GALNT10: variants seen among roughly 807,000 people sequenced by gnomAD.
GALNT10 encodes the protein GalNAc transferase 10.
In GALNT10, 41 loss-of-function variants were observed where a neutral mutation model predicts 75.0. The ratio of observed to expected loss-of-function variants is 0.55; its 90% CI spans 0.43 to 0.71. The LOEUF (loss-of-function observed/expected upper bound fraction) is 0.71. Among genes scored for constraint, GALNT10 ranks in the 30% least tolerant of loss-of-function variants. The pLI is 0.00. For synonymous variants in GALNT10, 302 were observed against 313.0 expected (o/e 0.96, Z 0.37); for missense variants, 727 against 818.5 (o/e 0.89, Z 1.36).
chr5:154,258,769 G>A (rs1209387027), intron 1 of GALNT10, among the ~76,000 whole-genome samples: 1 of 152,142 alleles, frequency 6.6e-6, no homozygotes, highest in East Asian at 1.9e-4. Context: ...TGAAACTCAT[G>A]GCTTTGATCA....
intron 1 of GALNT10, among the ~76,000 whole-genome samples, chr5:154,204,103 A>G (rs547597712): frequency 7.2e-5 from 11 of 152,066 alleles, no homozygotes; most frequent in African/African-American, 2.7e-4. Context: ...CAGGAGCCTG[A>G]CTCCTCAGGT....
rs1183869239 is a variant in GALNT10 at position 154,352,434 on chromosome 5, C to A, written c.568+22696C>A. 6.6e-6 allele frequency among the ~76,000 whole-genome samples: 1 copy of A among 152,074 alleles called. No homozygotes were observed. The highest frequency in any genetic ancestry group is 2.4e-5 in the African/African-American group (1 of 41,414). On this transcript the variant is annotated intron_variant, in intron 4 of 11. Transcript: ENST00000297107. The surrounding 1 kb of genome is among the most constrained non-coding windows in gnomAD (Gnocchi z 4.4). ...CCAGGTGTAGTTCTAAGTGAGTTAC[C>A]CTCACATCTCAGTAATTCTTCACAG... is the stretch of plus-strand genomic sequence containing the variant.
At chr5:154,387,326 A>AG (rs1472364593) in intron 7 of GALNT10, 1 of 152,188 alleles carries the variant, frequency 6.6e-6, no homozygotes, top group African/African-American at 2.4e-5. Context: ...TTCTGAGGGG[A>AG]GGGTTAGCTT....
Position 154,333,521 on chromosome 5 carries a change from T to G in GALNT10, c.568+3783T>G, listed in dbSNP as rs552649504. Reference sequence around the variant, plus strand: ...GTTTGTACCTCTAAATATCCCAATTTCCTCAGTGTACATAGTGGTAAAGAT... The same window carrying G: ...GTTTGTACCTCTAAATATCCCAATTGCCTCAGTGTACATAGTGGTAAAGAT... On this transcript the variant is annotated intron_variant, in intron 4 of 11. Transcript: ENST00000297107. 3.3e-4 allele frequency among the ~76,000 whole-genome samples: 50 copies of G among 152,278 alleles called. No individual in the cohort carries two copies. The South Asian group carries it at 0.01, about 31-fold the overall frequency.
At chr5:154,408,752 C>G (rs917648654) in intron 8 of GALNT10, among the ~76,000 whole-genome samples, 1 of 152,136 alleles carries the variant, frequency 6.6e-6, no homozygotes, top group Admixed American at 6.5e-5. Context: ...CTTTTGGTTT[C>G]AAATTATAAT....
intron 7 of GALNT10, chr5:154,392,647 G>A (rs10064551): frequency 6.6e-6 from 1 of 151,926 alleles, no homozygotes; most frequent in Non-Finnish European, 1.5e-5. Context: ...GGATTAGGGG[G>A]GGAGGCAGCA....
chr5:154,243,649 A>G (rs565283174), intron 1 of GALNT10, among the ~76,000 whole-genome samples: 2 of 152,338 alleles, frequency 1.3e-5, no homozygotes, highest in South Asian at 2.1e-4. Flanking sequence ...TGTGGTCATC[A>G]TGAGGATTAA....
intron 1 of GALNT10, among the ~76,000 whole-genome samples, chr5:154,216,845 A>G (rs1275040351): frequency 6.6e-6 from 1 of 152,192 alleles, no homozygotes; most frequent in Admixed American, 6.5e-5. Flanking sequence ...TGTCATGTTC[A>G]CATCTCAGCA....
intron 4 of GALNT10, among the ~76,000 whole-genome samples, chr5:154,360,174 G>A (rs1411709541): frequency 1.3e-5 from 2 of 152,148 alleles, no homozygotes; most frequent in Admixed American, 1.3e-4. Flanking sequence ...ACTGGGCTGG[G>A]TGCGGTGGCT....
intron 3 of GALNT10, among the ~76,000 whole-genome samples, chr5:154,312,743 T>C (rs913550130): frequency 6.6e-6 from 1 of 152,348 alleles, no homozygotes; most frequent in African/African-American, 2.4e-5. Context: ...TCCTCTTTTA[T>C]GAATCATCAA....
At chr5:154,294,266 C>T (rs1433558148) in intron 1 of GALNT10, among the ~76,000 whole-genome samples, 2 of 152,062 alleles carry the variant, frequency 1.3e-5, no homozygotes, top group Admixed American at 6.6e-5. Context: ...CCCTGGAGTT[C>T]GAGGCTGCAG....
At chr5:154,193,457 G>A (rs1432023716) in intron 1 of GALNT10, among the ~76,000 whole-genome samples, 1 of 152,224 alleles carries the variant, frequency 6.6e-6, no homozygotes, top group East Asian at 1.9e-4. Flanking sequence ...TCATCCCAGT[G>A]TACTGGAACA....
intron 8 of GALNT10, among the ~76,000 whole-genome samples, chr5:154,404,740 T>A (rs1756239028): frequency 6.6e-6 from 1 of 152,114 alleles, no homozygotes; most frequent in Non-Finnish European, 1.5e-5. Flanking sequence ...TGTGGTGTGG[T>A]GTGTTTGGGA....
intron 1 of GALNT10, among the ~76,000 whole-genome samples, chr5:154,274,364 T>C (rs1753917520): frequency 6.6e-6 from 1 of 152,194 alleles, no homozygotes; most frequent in African/African-American, 2.4e-5. Context: ...AACATGCTTA[T>C]GAACACAGAC....
At chr5:154,263,406 G>A (rs181980928) in intron 1 of GALNT10, among the ~76,000 whole-genome samples, 31 of 152,226 alleles carry the variant, frequency 2.0e-4, no homozygotes, top group Non-Finnish European at 3.2e-4. Context: ...CAAAGACCAC[G>A]TATTGCATGA....
intron 4 of GALNT10, among the ~76,000 whole-genome samples, chr5:154,334,463 CG>C: frequency 6.6e-6 from 1 of 152,292 alleles, no homozygotes; most frequent in East Asian, 1.9e-4. Flanking sequence ...GACCTGTCCC[CG>C]GGTTGCACTG....
rs1460077384 is a variant in GALNT10 at position 154,376,592 on chromosome 5, G to C, written c.754+130G>C. The C allele has an allele frequency of 1.7e-6, 1 of 596,472 alleles. No individual in the cohort carries two copies. Among genetic ancestry groups the C allele is most frequent in the Non-Finnish European group, 2.9e-6 (1 of 347,844 alleles). The allele number at this position is 596,472 out of a possible 1,614,324, so 36.9% of individuals were successfully genotyped here. A position where few individuals can be genotyped will look rare whatever the true frequency, so the allele number is the denominator to read the frequency against. Reference sequence around the variant, plus strand: ...CGAGATGCCCCCAGCACAATGCCAGGTGCCATGAGGGATTCAGAAGTTCAG... The same window carrying C: ...CGAGATGCCCCCAGCACAATGCCAGCTGCCATGAGGGATTCAGAAGTTCAG... On this transcript the variant is annotated intron_variant, in intron 5 of 11. Coordinates refer to ENST00000297107, the MANE Select transcript of GALNT10 (RefSeq NM_198321.4). This position sits in a 1 kb window ranked among gnomAD's most constrained non-coding sequence, Gnocchi z 4.1.
At chr5:154,270,227 A>G (rs1296859274) in intron 1 of GALNT10, among the ~76,000 whole-genome samples, 2 of 150,558 alleles carry the variant, frequency 1.3e-5, no homozygotes, top group Admixed American at 1.3e-4. Context: ...ATACCCACAC[A>G]TCTATTTCCT....
At chr5:154,337,956 G>A in intron 4 of GALNT10, 1 of 1,575,418 alleles carries the variant, frequency 6.3e-7, no homozygotes, top group Non-Finnish European at 8.6e-7. Flanking sequence ...CTTATCCACG[G>A]AGTCATGGTC....
Sources: allele counts gnomAD v4.1 joint callset (sites outside exome capture counted in the v4.1 genomes callset), GRCh38; gene constraint gnomAD v4.1.1; non-coding constraint Gnocchi (gnomAD v3.1); transcripts MANE v1.5; gene names NCBI Gene and HGNC (gene_info 2026-07-23, HGNC 2026-07-21).